The following SBNO2 variants were observed in gnomAD, a reference collection of about 807,000 sequenced individuals.
The protein encoded by SBNO2 is protein strawberry notch homolog 2.
A neutral mutation model predicts 146.3 loss-of-function variants in SBNO2; 89 were observed. The observed-to-expected ratio is 0.61, with a 90% CI of 0.51 to 0.73. The LOEUF (loss-of-function observed/expected upper bound fraction) is 0.73, where lower values mean the gene tolerates loss of function less well. SBNO2 is among the 30% of genes least tolerant of loss of function. SBNO2 has a pLI of 0.00. For synonymous variants in SBNO2, 1,147 were observed against 892.6 expected (o/e 1.29, Z -5.08); for missense variants, 2,092 against 2,003.7 (o/e 1.04, Z -0.84).
chr19:1,159,540 G>A (rs2080323923), intron 1 of SBNO2, among the ~76,000 whole-genome samples: 1 of 66,946 alleles, frequency 1.5e-5, no homozygotes, highest in African/African-American at 6.8e-5. Context: ...GCAGGGGACA[G>A]TGGGGGGACA....
rs1272463604 is a variant in SBNO2, at chr19:1,158,369, CT to C, written c.-126-3968del. Among the ~76,000 whole-genome samples, 1 of 152,164 alleles carries C rather than the reference CT, an allele frequency of 6.6e-6. No individual in the cohort carries two copies. On this transcript the variant is annotated intron_variant, in intron 1 of 31. Transcript: ENST00000361757. The surrounding 1 kb of genome is among the most constrained non-coding windows in gnomAD (Gnocchi z 9.9). ...CTTTCGGATGTGGACACGGAGGCCC[CT>C]AGGTGGAGCCTTGACGTGACCCCCA...
intron 1 of SBNO2, among the ~76,000 whole-genome samples, chr19:1,163,126 C>T (rs554268541): frequency 4.6e-5 from 7 of 152,344 alleles, no homozygotes; most frequent in South Asian, 4.1e-4. Flanking sequence ...CCTCCAGACT[C>T]ACATCTACCC....
At chr19:1,172,423 C>T (rs983148201) in intron 1 of SBNO2, among the ~76,000 whole-genome samples, 2 of 152,204 alleles carry the variant, frequency 1.3e-5, no homozygotes, top group African/African-American at 4.8e-5. Context: ...TGGGGCCGGG[C>T]AGCCAGATCC....
chr19:1,123,845 G>C, intron 6 of SBNO2, 97 bp downstream of exon 6: 1 of 1,320,900 alleles, frequency 7.6e-7, no homozygotes, highest in African/African-American at 1.5e-5. Context: ...TTCTAGGCCA[G>C]CCAAGCGCTC....
intron 4 of SBNO2, among the ~76,000 whole-genome samples, chr19:1,130,728 G>A (rs1025402965): frequency 2.6e-5 from 4 of 152,160 alleles, no homozygotes; most frequent in East Asian, 1.9e-4. Context: ...GTTGGTGGAG[G>A]TTGCAGGGAG....
Position 1,110,535 on chromosome 19 carries a change from C to T in SBNO2, c.3028+210G>A, listed in dbSNP as rs954026088. On this transcript the variant is annotated intron_variant, in intron 26 of 31. Coordinates refer to ENST00000361757, the MANE Select transcript of SBNO2 (RefSeq NM_014963.3). The surrounding 1 kb of genome is among the most constrained non-coding windows in gnomAD (Gnocchi z 4.9). ...CCTCGCCGTGCTCACCCACAATGCA[C>T]GGTGTTCCCACGAGCCCCGAGCCCA... 6.6e-6 allele frequency among the ~76,000 whole-genome samples: 1 copy of T among 150,398 alleles called. No individual in the cohort carries two copies. The highest frequency in any genetic ancestry group is 2.5e-5 in the African/African-American group (1 of 40,802).
At position 1,154,288 on chromosome 19, in the gene SBNO2, C is replaced by T. The variant is rs776190958; in HGVS notation, c.-12G>A. 5 of 1,254,652 alleles carry T rather than the reference C, an allele frequency of 4.0e-6. No homozygotes were observed. The highest frequency in any genetic ancestry group is 4.0e-6 in the Non-Finnish European group (4 of 998,086). 77.7% of individuals were successfully genotyped at this position (1,254,652 alleles called of 1,614,324 possible). The stretch of plus-strand genomic sequence containing the variant: ...CCCACTGCAAGCATCGGGCGGCAGG[C>T]GGGGTGGGGTCCTCGGCCGGGCAGC... On this transcript the variant is annotated 5_prime_UTR_variant, in exon 2 of 32. Coordinates refer to ENST00000361757, the MANE Select transcript of SBNO2 (RefSeq NM_014963.3).
At chr19:1,135,432 A>G (rs189218677) in intron 4 of SBNO2, among the ~76,000 whole-genome samples, 15 of 152,352 alleles carry the variant, frequency 9.8e-5, no homozygotes, top group African/African-American at 3.6e-4. Context: ...AAGCAACGAA[A>G]CAGAAAGAAC....
intron 1 of SBNO2, among the ~76,000 whole-genome samples, chr19:1,160,683 C>T (rs1236800279): frequency 6.6e-6 from 1 of 152,150 alleles, no homozygotes; most frequent in African/African-American, 2.4e-5. Flanking sequence ...GCACCCGCCA[C>T]CACGGCCCGG....
intron 24 of SBNO2, 121 bp downstream of exon 24, chr19:1,111,385 G>C: frequency 3.9e-6 from 3 of 768,908 alleles, no homozygotes; most frequent in Non-Finnish European, 6.5e-6. Flanking sequence ...CTCTGTCCGT[G>C]TGTGGGGAGG....
At chr19:1,132,741 C>T (rs944707289) in intron 4 of SBNO2, among the ~76,000 whole-genome samples, 4 of 152,188 alleles carry the variant, frequency 2.6e-5, no homozygotes, top group African/African-American at 9.7e-5. Flanking sequence ...AAGTCCCCTC[C>T]CTGCTCTTTC....
In SBNO2 at chr19:1,112,373, G is replaced by A. The variant is rs200754364; in HGVS notation, c.2515+29C>T. 1,518 of 1,581,756 alleles carry A rather than the reference G, an allele frequency of 9.6e-4. 11 individuals carry two copies. The East Asian group carries it at 0.023, about 23-fold the overall frequency. ...CGAGACCATGTTGGGGGCGGGGCCA[G>A]GCAGCGCTGGGGGCGGGGCCGGACT... On this transcript the variant is annotated intron_variant, in intron 21 of 31. Transcript: ENST00000361757. This position sits in a 1 kb window ranked among gnomAD's most constrained non-coding sequence, Gnocchi z 5.9.
chr19:1,111,967 GCCC>G (rs770609528), intron 23 of SBNO2, 26 bp downstream of exon 23: 2 of 633,936 alleles, frequency 3.2e-6, no homozygotes, highest in Admixed American at 5.4e-5. Flanking sequence ...CCCCTGCCCC[GCCC>G]CCCAACCCTG....
At chr19:1,130,699 G>A (rs1406723403) in intron 4 of SBNO2, among the ~76,000 whole-genome samples, 2 of 151,998 alleles carry the variant, frequency 1.3e-5, no homozygotes, top group African/African-American at 4.8e-5. Flanking sequence ...GGCTGAGGTG[G>A]GAGGATTGCT....
chr19:1,132,010 G>C (rs1460750124), intron 4 of SBNO2: 1 of 1,123,678 alleles, frequency 8.9e-7, no homozygotes, highest in Non-Finnish European at 1.2e-6. Context: ...CCGGCAGGGG[G>C]CCCGGCCGTC....
In SBNO2 at chr19:1,108,131, G is replaced by A. The variant is rs910298612; in HGVS notation, c.*89C>T. ...AGGGCCTAGGGCTCCTCTGAGCAGT[G>A]GTCAGGGGACCTTGGCCCTGCTCCC... On this transcript the variant is annotated 3_prime_UTR_variant, in exon 32 of 32. Coordinates refer to ENST00000361757, the MANE Select transcript of SBNO2 (RefSeq NM_014963.3). 1.7e-5 allele frequency: 23 copies of A among 1,352,938 alleles called. No individual in the cohort carries two copies. The highest frequency in any genetic ancestry group is 1.3e-4 in the South Asian group (9 of 69,844). 83.8% of individuals were successfully genotyped at this position (1,352,938 alleles called of 1,614,324 possible). A position where few individuals can be genotyped will look rare whatever the true frequency, so the allele number is the denominator to read the frequency against.
chr19:1,147,226 CGA>C, intron 4 of SBNO2, 81 bp downstream of exon 4: 4 of 942,514 alleles, frequency 4.2e-6, no homozygotes, highest in Admixed American at 4.9e-5. Context: ...CAGGCCTGAG[CGA>C]GAGAGGTCGC....
chr19:1,145,301 T>C (rs969975517), intron 4 of SBNO2, among the ~76,000 whole-genome samples: 11 of 119,312 alleles, frequency 9.2e-5, no homozygotes, highest in African/African-American at 4.0e-4. Context: ...ACCCTGTCTC[T>C]ACCAAAAAAA....
At chr19:1,171,438 G>A (rs1045047749) in intron 1 of SBNO2, among the ~76,000 whole-genome samples, 14 of 152,182 alleles carry the variant, frequency 9.2e-5, no homozygotes, top group Admixed American at 6.5e-4. Flanking sequence ...AGTCCCCAGG[G>A]CAGCGCTGGC....
Sources: gnomAD v4.1 joint callset for allele counts (sites outside exome capture counted in the v4.1 genomes callset) on GRCh38, gnomAD v4.1.1 for gene constraint, Gnocchi (gnomAD v3.1) non-coding constraint, MANE v1.5 for transcripts, NCBI Gene and HGNC (gene_info 2026-07-23, HGNC 2026-07-21) for gene names.